The following ZMIZ1 variants were observed in gnomAD, a reference collection of about 807,000 sequenced individuals.
ZMIZ1 encodes zinc finger MIZ domain-containing protein 1.
A neutral mutation model predicts 113.9 loss-of-function variants in ZMIZ1; 17 were observed. The observed-to-expected ratio is 0.15, with a 90% CI of 0.10 to 0.22. The LOEUF is 0.22. Ranked by LOEUF, ZMIZ1 falls within the 10% of genes least tolerant of loss-of-function variation. The pLI is 1.00. For missense variants in ZMIZ1, 1,059 were observed against 1,477.8 expected (o/e 0.72, Z 4.65); for synonymous variants, 607 against 603.1 (o/e 1.01, Z -0.09).
At chr10:79,099,551 C>T (rs1030922551) in intron 1 of ZMIZ1, among the ~76,000 whole-genome samples, 1 of 152,192 alleles carries the variant, frequency 6.6e-6, no homozygotes, top group Non-Finnish European at 1.5e-5. Context: ...GAACAGGGAG[C>T]GGTGGCCTCT....
chr10:79,257,188 G>A (rs563609753), intron 7 of ZMIZ1, among the ~76,000 whole-genome samples: 2 of 152,244 alleles, frequency 1.3e-5, no homozygotes, highest in Non-Finnish European at 2.9e-5. Flanking sequence ...AAGAGGATGG[G>A]TGGGTCCCTA....
intron 7 of ZMIZ1, among the ~76,000 whole-genome samples, chr10:79,254,537 C>T (rs1336353589): frequency 2.0e-5 from 3 of 152,230 alleles, no homozygotes; most frequent in Non-Finnish European, 2.9e-5. Flanking sequence ...GGGCCTGGCC[C>T]GCTGGTCTCT....
chr10:79,306,066 C>G (rs377126525), intron 21 of ZMIZ1, 34 bp from the exon 22 acceptor site: 1 of 1,599,296 alleles, frequency 6.3e-7, no homozygotes, highest in East Asian at 2.2e-5. Flanking sequence ...CCAGGCACCC[C>G]GGAGCCTCAG....
At position 79,255,997 on chromosome 10, in the gene ZMIZ1, TG is replaced by T. The variant is rs1850874297; in HGVS notation, c.281-21178del. On this transcript the variant is annotated intron_variant, in intron 7 of 24. Transcript: ENST00000334512. ...GGCATTTTGGTATTTTGGAAAGGGA[TG>T]GGGGGAATGCGGGTGTCCTGGTGGC... Among the ~76,000 whole-genome samples, 3 of 152,126 alleles carry T rather than the reference TG, an allele frequency of 2.0e-5. 1 individual carries two copies. The South Asian group carries it at 6.2e-4, about 31-fold the overall frequency.
At chr10:79,197,847 T>A (rs1266540376) in intron 4 of ZMIZ1, among the ~76,000 whole-genome samples, 4 of 152,078 alleles carry the variant, frequency 2.6e-5, no homozygotes, top group African/African-American at 9.7e-5. Context: ...CAGCACATGG[T>A]CATCTAGTAG....
At chr10:79,218,603 G>GTGTGTGTC (rs1554818334) in intron 7 of ZMIZ1, among the ~76,000 whole-genome samples, 7 of 151,850 alleles carry the variant, frequency 4.6e-5, no homozygotes, top group Middle Eastern at 3.4e-3. Context: ...GTGTGTGTGT[G>GTGTGTGTC]TGTCTGTCTG....
chr10:79,071,326 G>C (rs1486968093), intron 1 of ZMIZ1, among the ~76,000 whole-genome samples: 1 of 152,262 alleles, frequency 6.6e-6, no homozygotes. Context: ...TGTGAGGACA[G>C]GCTGGTTACA....
At chr10:79,306,819 C>T (rs572487629) in intron 22 of ZMIZ1, among the ~76,000 whole-genome samples, 4 of 152,300 alleles carry the variant, frequency 2.6e-5, no homozygotes, top group African/African-American at 7.2e-5. Context: ...CCCTGGGATC[C>T]GTGATCTTAG....
rs373449711 is a variant in ZMIZ1, at chr10:79,293,396, G to A, written c.973G>A (p.Ala325Thr). ...NQYGPMGPTQ[A>T]YNSQFMNQPG... ...CTCTTTCCAGATGGGTCCCACCCAG[G>A]CGTATAACAGCCAATTCATGAACCA... is the stretch of plus-strand genomic sequence containing the variant. The change falls in exon 12 of 25, where the codon GCG (alanine) becomes ACG (threonine). Residue 325 changes from alanine (A) to threonine (T), a missense_variant. Physicochemically the swap from Ala to Thr is moderately conservative, Grantham distance 58. Around this residue, in one of 6 missense-constraint regions of ZMIZ1, gnomAD observed 83 missense variants for 103.7 expected, o/e 0.80. Coordinates refer to ENST00000334512, the MANE Select transcript of ZMIZ1 (RefSeq NM_020338.4). The A allele has an allele frequency of 6.5e-5, 99 of 1,516,408 alleles. No homozygotes were observed. Among genetic ancestry groups the A allele is most frequent in the Non-Finnish European group, 8.1e-5 (92 of 1,133,390 alleles). 93.9% of individuals were successfully genotyped at this position (1,516,408 alleles called of 1,614,324 possible). A position where few individuals can be genotyped will look rare whatever the true frequency, so the allele number is the denominator to read the frequency against.
intron 7 of ZMIZ1, among the ~76,000 whole-genome samples, chr10:79,240,172 C>CA (rs5786388): frequency 0.46 from 70,323 of 152,078 alleles, 17,434 homozygotes; most frequent in South Asian, 0.59. Flanking sequence ...GCGGGGGCTG[C>CA]AGCTCGCCCT....
chr10:79,127,846 C>T (rs1026740330), intron 2 of ZMIZ1, among the ~76,000 whole-genome samples: 3 of 152,146 alleles, frequency 2.0e-5, no homozygotes, highest in Non-Finnish European at 2.9e-5. Context: ...CTGCCAGTGG[C>T]GCTGACATTT....
chr10:79,264,329 C>T (rs1289871409), intron 7 of ZMIZ1, among the ~76,000 whole-genome samples: 2 of 152,212 alleles, frequency 1.3e-5, no homozygotes, highest in Non-Finnish European at 2.9e-5. Context: ...TCACGCCTCA[C>T]CACGGACACT....
At chr10:79,254,195 G>T (rs1402281294) in intron 7 of ZMIZ1, among the ~76,000 whole-genome samples, 3 of 152,228 alleles carry the variant, frequency 2.0e-5, no homozygotes, top group Non-Finnish European at 4.4e-5. Context: ...TAATTAGGCA[G>T]CCAGGGGCGC....
At chr10:79,110,696 C>A (rs1843707090) in intron 1 of ZMIZ1, among the ~76,000 whole-genome samples, 1 of 152,236 alleles carries the variant, frequency 6.6e-6, no homozygotes, top group African/African-American at 2.4e-5. Flanking sequence ...GGTGGCTGCA[C>A]CACAGCTGGC....
Position 79,297,796 on chromosome 10 carries a change from G to A in ZMIZ1, c.1491+106G>A, listed in dbSNP as rs1293251714. The stretch of plus-strand genomic sequence containing the variant: ...TCTCTGGACATTCAAAGGGGCCCAT[G>A]GGTGGGGGTGCACTCCCTGGTCCCC... On this transcript the variant is annotated intron_variant, in intron 14 of 24. Transcript: ENST00000334512. 6 of 952,416 alleles carry A rather than the reference G, an allele frequency of 6.3e-6. No individual in the cohort carries two copies. The East Asian group carries it at 1.3e-4, about 20-fold the overall frequency. The allele number at this position is 952,416 out of a possible 1,614,324, so 59.0% of individuals were successfully genotyped here.
chr10:79,232,940 C>T (rs1324972525), intron 7 of ZMIZ1, among the ~76,000 whole-genome samples: 1 of 152,196 alleles, frequency 6.6e-6, no homozygotes, highest in Non-Finnish European at 1.5e-5. Context: ...ATAGGAAGTA[C>T]TGATGCCCAG....
At chr10:79,130,994 G>A (rs1030830999) in intron 2 of ZMIZ1, among the ~76,000 whole-genome samples, 2 of 152,024 alleles carry the variant, frequency 1.3e-5, no homozygotes, top group Admixed American at 1.3e-4. Context: ...CTGCACCCCC[G>A]CCTGACATCT....
At chr10:79,110,067 T>G (rs901540585) in intron 1 of ZMIZ1, among the ~76,000 whole-genome samples, 3 of 152,240 alleles carry the variant, frequency 2.0e-5, no homozygotes, top group African/African-American at 7.2e-5. Flanking sequence ...GGGGGTGGCA[T>G]GCATGGCCTG....
chr10:79,300,813 C>G lies in ZMIZ1; in HGVS notation c.1890C>G (p.Val630=). The G allele has an allele frequency of 6.2e-7, 1 of 1,613,952 alleles. No homozygotes were observed. Among genetic ancestry groups the G allele is most frequent in the Middle Eastern group, 1.7e-4 (1 of 6,054 alleles). Residue 630 remains valine (V), a synonymous_variant, in exon 17 of 25, where the codon GTC becomes GTG. Transcript: ENST00000334512. ...MNTNWPASVQ[V]SVNATPLTIE... The stretch of plus-strand genomic sequence containing the variant: ...CCAACTGGCCCGCCTCGGTGCAGGT[C>G]AGCGTGAACGCCACGCCCCTCACCA...
Sources: allele counts gnomAD v4.1 joint callset (sites outside exome capture counted in the v4.1 genomes callset), GRCh38; gene constraint gnomAD v4.1.1; regional missense constraint gnomAD v4.1.1; transcripts MANE v1.5; gene names NCBI Gene and HGNC (gene_info 2026-07-23, HGNC 2026-07-21).